MGAT4C: variants seen among roughly 807,000 people sequenced by gnomAD.
The protein encoded by MGAT4C is MGAT4 family member C.
A neutral mutation model predicts 40.1 loss-of-function variants in MGAT4C; 19 were observed. The ratio of observed to expected loss-of-function variants is 0.47; its 90% CI spans 0.33 to 0.70. MGAT4C has a LOEUF of 0.70. Ranked by LOEUF, MGAT4C falls within the 30% of genes least tolerant of loss-of-function variation. The pLI, the probability that MGAT4C is intolerant of heterozygous loss-of-function variation, is 0.02. For missense variants in MGAT4C, 491 were observed against 563.2 expected (o/e 0.87, Z 1.30); for synonymous variants, 181 against 187.1 (o/e 0.97, Z 0.27).
Position 86,169,674 on chromosome 12 carries a change from A to G in MGAT4C, c.-57+86565T>C, listed in dbSNP as rs1431179751. ...GCATATAGCAGATGCTTCACAGGTG[A>G]CTGAAAAAATCAGGCGGAGAGGCAC... On this transcript the variant is annotated intron_variant, in intron 1 of 4. Coordinates refer to ENST00000611864, the MANE Select transcript of MGAT4C (RefSeq NM_001351288.2). Among the ~76,000 whole-genome samples the G allele has an allele frequency of 2.6e-5, 4 of 152,170 alleles. No homozygotes were observed. In the South Asian group the frequency reaches 8.3e-4, roughly 31 times the overall value.
intron 4 of MGAT4C, among the ~76,000 whole-genome samples, chr12:86,318,008 T>C (rs183084262): frequency 2.6e-5 from 4 of 152,094 alleles, no homozygotes; most frequent in African/African-American, 9.6e-5. Context: ...AAGCAACAAA[T>C]TTAACTTAAC....
intron 2 of MGAT4C, among the ~76,000 whole-genome samples, chr12:86,047,039 T>G (rs1358356721): frequency 6.6e-6 from 1 of 152,180 alleles, no homozygotes; most frequent in Non-Finnish European, 1.5e-5. Context: ...AATTTATATT[T>G]TAGTTTACAA....
chr12:86,797,303 C>G (rs751718538), intron 1 of MGAT4C, among the ~76,000 whole-genome samples: 6 of 151,762 alleles, frequency 4.0e-5, no homozygotes, highest in Non-Finnish European at 7.4e-5. Context: ...ATCCTACAAT[C>G]TCTGGAGATA....
At chr12:86,512,001 A>G (rs1033430905) in intron 2 of MGAT4C, among the ~76,000 whole-genome samples, 3 of 152,150 alleles carry the variant, frequency 2.0e-5, no homozygotes, top group Non-Finnish European at 2.9e-5. Context: ...TATATCTGAT[A>G]AAGGATTTAT....
intron 2 of MGAT4C, among the ~76,000 whole-genome samples, chr12:86,513,326 G>A (rs936428046): frequency 6.6e-6 from 1 of 152,054 alleles, no homozygotes; most frequent in African/African-American, 2.4e-5. Flanking sequence ...TTAAATATAA[G>A]GTTAATGGTA....
chr12:86,172,365 C>T (rs1164328060), intron 1 of MGAT4C, among the ~76,000 whole-genome samples: 4 of 151,982 alleles, frequency 2.6e-5, no homozygotes, highest in Admixed American at 6.6e-5. Flanking sequence ...AGTGTTAACC[C>T]GATATAATTG....
chr12:86,661,326 TAAA>T lies in MGAT4C; in HGVS notation c.-229+65880_-229+65882del, dbSNP rs542298114. On this transcript the variant is annotated intron_variant, in intron 2 of 7. Coordinates refer to the MGAT4C transcript ENST00000548651. The stretch of plus-strand genomic sequence containing the variant: ...GCAAATAATTTTATGAGTAAACAAA[TAAA>T]AATATATAATCCAAGATAAAAGTTA... Among the ~76,000 whole-genome samples, 159 of 151,232 alleles carry T rather than the reference TAAA, an allele frequency of 1.1e-3. 1 individual carries two copies. The highest frequency in any genetic ancestry group is 3.7e-3 in the African/African-American group (153 of 41,308).
chr12:86,804,901 A>G (rs1449767673), intron 1 of MGAT4C, among the ~76,000 whole-genome samples: 1 of 152,008 alleles, frequency 6.6e-6, no homozygotes, highest in Non-Finnish European at 1.5e-5. Flanking sequence ...TGGCGTCCTA[A>G]GTTTTGGATG....
intron 2 of MGAT4C, among the ~76,000 whole-genome samples, chr12:86,626,300 A>C (rs1453655801): frequency 6.6e-6 from 1 of 152,200 alleles, no homozygotes. Context: ...AAATGACCTA[A>C]TTCTCTTCCT....
At chr12:86,405,812 A>T (rs2136240087) in intron 3 of MGAT4C, among the ~76,000 whole-genome samples, 1 of 150,936 alleles carries the variant, frequency 6.6e-6, no homozygotes, top group South Asian at 2.1e-4. Flanking sequence ...TTACACAGAT[A>T]TATCCAGTTG....
At position 86,114,871 on chromosome 12, in the gene MGAT4C, A is replaced by G. The variant is rs1235657297; in HGVS notation, c.-56-65148T>C. Among the ~76,000 whole-genome samples the G allele has an allele frequency of 1.3e-5, 2 of 151,908 alleles. 1 individual carries two copies. Among genetic ancestry groups the G allele is most frequent in the African/African-American group, 4.8e-5 (2 of 41,384 alleles). ...TTACCTACCCTAAGGAAATAATGTGACGTTTGGTGACAAGAAAGCTACTAA... is the reference window on the plus strand; with the variant it reads ...TTACCTACCCTAAGGAAATAATGTGGCGTTTGGTGACAAGAAAGCTACTAA... On this transcript the variant is annotated intron_variant, in intron 1 of 4. Transcript: ENST00000611864.
intron 2 of MGAT4C, among the ~76,000 whole-genome samples, chr12:86,681,611 A>C (rs1458762421): frequency 6.6e-6 from 1 of 152,014 alleles, no homozygotes; most frequent in African/African-American, 2.4e-5. Flanking sequence ...CAATCTTCTA[A>C]AGAAATCTAT....
At chr12:86,376,772 A>G (rs1227001767) in intron 3 of MGAT4C, among the ~76,000 whole-genome samples, 1 of 142,706 alleles carries the variant, frequency 7.0e-6, no homozygotes, top group Non-Finnish European at 1.6e-5. Flanking sequence ...ATCAAAGAGC[A>G]AGAAAGAGAG....
intron 2 of MGAT4C, among the ~76,000 whole-genome samples, chr12:86,585,710 T>C (rs1593012826): frequency 6.7e-6 from 1 of 149,740 alleles, no homozygotes; most frequent in African/African-American, 2.4e-5. Flanking sequence ...CTTTCCCAAA[T>C]AGGCTCCATG....
chr12:86,327,164 CT>C (rs890469667), intron 4 of MGAT4C, among the ~76,000 whole-genome samples: 4 of 152,166 alleles, frequency 2.6e-5, no homozygotes, highest in African/African-American at 9.6e-5. Context: ...TGTCTTTTTA[CT>C]TTGTTTCCCA....
rs542472059 is a variant in MGAT4C, at chr12:86,589,556, G to A, written c.-229+137653C>T. Among the ~76,000 whole-genome samples, 80 of 152,028 alleles carry A rather than the reference G, an allele frequency of 5.3e-4. 1 individual carries two copies. Among genetic ancestry groups the A allele is most frequent in the African/African-American group, 1.9e-3 (77 of 41,500 alleles). The stretch of plus-strand genomic sequence containing the variant: ...GAATCCTCCCTAACTCATTTTATGA[G>A]GCCAGCATCATCCTGATACCAAAGC... On this transcript the variant is annotated intron_variant, in intron 2 of 7. Transcript: ENST00000548651.
intron 2 of MGAT4C, among the ~76,000 whole-genome samples, chr12:86,510,990 C>T (rs542271415): frequency 1.3e-5 from 2 of 152,040 alleles, no homozygotes; most frequent in Admixed American, 6.6e-5. Context: ...ACCAAGCAGA[C>T]CTAATAGACA....
In MGAT4C at chr12:86,251,746, AC is replaced by A. The variant is rs575225673; in HGVS notation, c.-57+4492del. ...CACATTGACCCAAATGTTAGGAGAT[AC>A]CCTTGAGAGTTTTATGGTGTGCCAT... On this transcript the variant is annotated intron_variant, in intron 1 of 4. Coordinates refer to ENST00000611864, the MANE Select transcript of MGAT4C (RefSeq NM_001351288.2). Among the ~76,000 whole-genome samples the A allele has an allele frequency of 1.6e-4, 25 of 152,076 alleles. No individual in the cohort carries two copies. The South Asian group carries it at 5.0e-3, about 30-fold the overall frequency.
chr12:86,310,804 A>G (rs1954053323), intron 4 of MGAT4C, among the ~76,000 whole-genome samples: 1 of 152,106 alleles, frequency 6.6e-6, no homozygotes, highest in Non-Finnish European at 1.5e-5. Flanking sequence ...TGCACCTGTA[A>G]TCCCAGCTAC....
Sources: gnomAD v4.1 joint callset for allele counts (sites outside exome capture counted in the v4.1 genomes callset) on GRCh38, gnomAD v4.1.1 for gene constraint, MANE v1.5 for transcripts, NCBI Gene and HGNC (gene_info 2026-07-23, HGNC 2026-07-21) for gene names.